The following POLQ variants were observed in gnomAD, a reference collection of about 807,000 sequenced individuals.
POLQ encodes epididymis secretory sperm binding protein.
Under a neutral mutation model 259.2 loss-of-function variants are expected in POLQ, and 233 were observed. That is an observed-to-expected ratio of 0.90 (90% CI 0.81 to 1.00). The LOEUF (loss-of-function observed/expected upper bound fraction) is 1.00, where lower values mean the gene tolerates loss of function less well. POLQ is among the 50% of genes least tolerant of loss of function. POLQ has a pLI of 0.00. For missense variants in POLQ, 2,871 were observed against 3,051.6 expected (o/e 0.94, Z 1.39); for synonymous variants, 1,025 against 1,048.8 (o/e 0.98, Z 0.44).
At chr3:121,545,324 ACGAATC>A (rs2048523875) in intron 1 of POLQ, among the ~76,000 whole-genome samples, 1 of 152,206 alleles carries the variant, frequency 6.6e-6, no homozygotes, top group Non-Finnish European at 1.5e-5. Context: ...CAATCTCATT[ACGAATC>A]CCTTCCAGCC....
chr3:121,448,523 C>T (rs565903907), intron 26 of POLQ, among the ~76,000 whole-genome samples: 10 of 151,900 alleles, frequency 6.6e-5, no homozygotes, highest in East Asian at 1.9e-4. Flanking sequence ...CATGCCACCA[C>T]GCCCAGGTAA....
intron 24 of POLQ, among the ~76,000 whole-genome samples, chr3:121,462,005 A>G (rs1458897461): frequency 6.6e-6 from 1 of 152,186 alleles, no homozygotes; most frequent in African/African-American, 2.4e-5. Flanking sequence ...CCAAAATCCA[A>G]TATGCTCCAA....
chr3:121,475,354 C>T lies in POLQ; in HGVS notation c.6405+1186G>A, dbSNP rs149620124. On this transcript the variant is annotated intron_variant, in intron 20 of 29. Transcript: ENST00000264233. ...AACTGGCTTATTTCACTTAGCATAA[C>T]GTCTTTCAGGTTCCTCCATGTTTTC... is the stretch of plus-strand genomic sequence containing the variant. 4.6e-3 allele frequency among the ~76,000 whole-genome samples: 699 copies of T among 152,194 alleles called. 17 individuals carry two copies. The highest frequency in any genetic ancestry group is 7.7e-3 in the East Asian group (40 of 5,184).
rs1312752424 is a variant in POLQ, at chr3:121,453,511, A to G, written c.7153-4085T>C. Among the ~76,000 whole-genome samples, 3 of 152,352 alleles carry G rather than the reference A, an allele frequency of 2.0e-5. No homozygotes were observed. In the South Asian group the frequency reaches 6.2e-4, roughly 32 times the overall value. Reference sequence around the variant, plus strand: ...CTTAGAATAAAATTTAGACAAATGTATAACTAGAATAACCAATACAGAGAA... The same window carrying G: ...CTTAGAATAAAATTTAGACAAATGTGTAACTAGAATAACCAATACAGAGAA... On this transcript the variant is annotated intron_variant, in intron 25 of 29. Coordinates refer to ENST00000264233, the MANE Select transcript of POLQ (RefSeq NM_199420.4).
chr3:121,503,187 A>G (rs557710038), intron 12 of POLQ, among the ~76,000 whole-genome samples: 1 of 152,360 alleles, frequency 6.6e-6, no homozygotes, highest in African/African-American at 2.4e-5. Flanking sequence ...TTGTATTACA[A>G]CTGCCTACAG....
chr3:121,464,945 T>A (rs749875627), intron 24 of POLQ, among the ~76,000 whole-genome samples: 19 of 152,188 alleles, frequency 1.2e-4, no homozygotes, highest in Non-Finnish European at 2.6e-4. Context: ...TGTATAGACA[T>A]TGTTTTGTAA....
intron 12 of POLQ, among the ~76,000 whole-genome samples, chr3:121,506,043 TAGG>T (rs1302096527): frequency 2.6e-5 from 3 of 117,170 alleles, no homozygotes; most frequent in Non-Finnish European, 5.5e-5. Context: ...AAAAAAAAAA[TAGG>T]GGGATCACAA....
rs1452568981 is a variant in POLQ, at chr3:121,490,102, T to G, written c.2829A>C (p.Ile943=). The change falls in exon 16 of 30, where the codon ATA becomes ATC. Residue 943 remains isoleucine, a synonymous_variant. Transcript: ENST00000264233. ...AATGCTTAATATAAGAATCACTAAA[T>G]ATTGTGTTACTTTTGTTCTTTGATG... is the stretch of plus-strand genomic sequence containing the variant. ...KLTSKNKSNT[I]FSDSYIKHSP... is the part of the protein sequence containing the mutation. 6.3e-7 allele frequency: 1 copy of G among 1,599,694 alleles called. No homozygotes were observed. The highest frequency in any genetic ancestry group is 1.7e-5 in the Admixed American group (1 of 58,824).
intron 26 of POLQ, among the ~76,000 whole-genome samples, chr3:121,446,327 TAAAACTTG>T (rs2047632385): frequency 6.6e-6 from 1 of 152,232 alleles, no homozygotes; most frequent in African/African-American, 2.4e-5. Context: ...CTGAATATTT[TAAAACTTG>T]TTTTGTTATC....
chr3:121,486,148 G>A (rs2048008770), intron 16 of POLQ, among the ~76,000 whole-genome samples: 1 of 152,218 alleles, frequency 6.6e-6, no homozygotes, highest in Admixed American at 6.5e-5. Context: ...TTCTACTCAA[G>A]ATAAATCTTG....
intron 9 of POLQ, among the ~76,000 whole-genome samples, chr3:121,512,425 C>T (rs2048262332): frequency 6.6e-6 from 1 of 152,226 alleles, no homozygotes; most frequent in Admixed American, 6.5e-5. Context: ...CACAAACAAA[C>T]TCTACCTACT....
intron 25 of POLQ, among the ~76,000 whole-genome samples, chr3:121,453,583 C>T (rs2047700717): frequency 6.6e-6 from 1 of 152,026 alleles, no homozygotes; most frequent in South Asian, 2.1e-4. Flanking sequence ...TTGAGAACTA[C>T]GTGAAGAATG....
chr3:121,486,700 C>A (rs2048014477), intron 16 of POLQ, among the ~76,000 whole-genome samples: 1 of 151,826 alleles, frequency 6.6e-6, no homozygotes, highest in Non-Finnish European at 1.5e-5. Flanking sequence ...CCTATCTCTA[C>A]TAAAAATACA....
chr3:121,481,857 G>A (rs1256595621), intron 18 of POLQ, 45 bp from the exon 19 acceptor site: 1 of 1,537,304 alleles, frequency 6.5e-7, no homozygotes, highest in African/African-American at 1.4e-5. Context: ...TTTTTTCAAA[G>A]ACACTTATGT....
chr3:121,458,291 C>A (rs933785683), intron 25 of POLQ, among the ~76,000 whole-genome samples: 5 of 151,880 alleles, frequency 3.3e-5, no homozygotes, highest in African/African-American at 1.2e-4. Context: ...TGCTAAATGA[C>A]GAGTTAATGG....
intron 22 of POLQ, 97 bp from the exon 23 acceptor site, chr3:121,468,528 CTA>C (rs781515463): frequency 2.1e-5 from 16 of 761,496 alleles, no homozygotes; most frequent in Non-Finnish European, 2.6e-5. Context: ...AAAATGCAGA[CTA>C]TCAATGCTGA....
chr3:121,495,615 C>T (rs2048112585), intron 14 of POLQ, among the ~76,000 whole-genome samples: 1 of 151,558 alleles, frequency 6.6e-6, no homozygotes, highest in Admixed American at 6.6e-5. Flanking sequence ...GAGGCCGAGG[C>T]GGGTGGTCCA....
At chr3:121,456,622 T>A (rs1425140427) in intron 25 of POLQ, among the ~76,000 whole-genome samples, 2 of 151,644 alleles carry the variant, frequency 1.3e-5, no homozygotes, top group East Asian at 3.9e-4. Flanking sequence ...ATGAGTGAAC[T>A]CCCATTCACA....
chr3:121,506,668 C>T (rs1309456146), intron 12 of POLQ, among the ~76,000 whole-genome samples: 1 of 152,174 alleles, frequency 6.6e-6, no homozygotes, highest in Non-Finnish European at 1.5e-5. Flanking sequence ...CAGAGGTCAA[C>T]TTTGCAAAAC....
Sources: gnomAD v4.1 joint callset for allele counts (sites outside exome capture counted in the v4.1 genomes callset) on GRCh38, gnomAD v4.1.1 for gene constraint, MANE v1.5 for transcripts, NCBI Gene and HGNC (gene_info 2026-07-23, HGNC 2026-07-21) for gene names.